Variants in EPC1 observed in about 807,000 individuals in gnomAD.
EPC1 encodes enhancer of polycomb homolog 1.
EPC1 carries 12 observed loss-of-function variants against 98.4 expected under a neutral mutation model. The observed-to-expected ratio is 0.12, with a 90% CI of 0.08 to 0.20. EPC1 has a LOEUF of 0.20. EPC1 is among the 10% of genes least tolerant of loss of function. The probability of loss-of-function intolerance (pLI) is 1.00; values close to 1 mark genes in which losing one functional copy is unlikely to be tolerated. For missense variants in EPC1, 729 were observed against 990.5 expected (o/e 0.74, Z 3.54); for synonymous variants, 357 against 363.9 (o/e 0.98, Z 0.21).
intron 2 of EPC1, among the ~76,000 whole-genome samples, chr10:32,305,571 A>G (rs1191302827): frequency 6.6e-6 from 1 of 152,050 alleles, no homozygotes; most frequent in Non-Finnish European, 1.5e-5. Context: ...GAAACAAAAA[A>G]TGTAGAATAA....
intron 1 of EPC1, among the ~76,000 whole-genome samples, chr10:32,354,042 A>C (rs1839200498): frequency 6.6e-6 from 1 of 152,216 alleles, no homozygotes; most frequent in Non-Finnish European, 1.5e-5. Context: ...CAATATCTGA[A>C]GTACTGATTT....
At chr10:32,300,343 C>T (rs1180058680) in intron 2 of EPC1, among the ~76,000 whole-genome samples, 22 of 151,648 alleles carry the variant, frequency 1.5e-4, no homozygotes, top group East Asian at 9.7e-4. Flanking sequence ...GTGCTGCACC[C>T]ATTAACTCGT....
At chr10:32,348,259 C>G (rs2133075331), upstream of EPC1, among the ~76,000 whole-genome samples, 1 of 151,664 alleles carries the variant, frequency 6.6e-6, no homozygotes, top group East Asian at 1.9e-4. Context: ...ATCCTGAGAT[C>G]TCTTCGTTGT....
At chr10:32,301,973 A>C (rs1478516043) in intron 2 of EPC1, among the ~76,000 whole-genome samples, 1 of 152,194 alleles carries the variant, frequency 6.6e-6, no homozygotes, top group Non-Finnish European at 1.5e-5. Flanking sequence ...GACATTAAGA[A>C]ATGGTAGAAA....
At chr10:32,284,618 C>T (rs1428996343) in intron 10 of EPC1, 80 bp downstream of exon 10, 1 of 1,178,714 alleles carries the variant, frequency 8.5e-7, no homozygotes, top group Non-Finnish European at 1.2e-6. Flanking sequence ...ATAAATGTAA[C>T]AGACCACATA....
intron 1 of EPC1, among the ~76,000 whole-genome samples, chr10:32,363,979 AGTATCGT>A (rs1411901568): frequency 7.8e-6 from 1 of 127,752 alleles, no homozygotes; most frequent in African/African-American, 2.8e-5. Flanking sequence ...ATTTTATAAT[AGTATCGT>A]GTCCATCATG....
chr10:32,322,734 A>C (rs1243559663), intron 1 of EPC1, among the ~76,000 whole-genome samples: 1 of 152,210 alleles, frequency 6.6e-6, no homozygotes, highest in African/African-American at 2.4e-5. Flanking sequence ...GAGAAATGAT[A>C]GTTCTCATCA....
intron 13 of EPC1, among the ~76,000 whole-genome samples, chr10:32,270,668 T>A (rs1835794903): frequency 6.6e-6 from 1 of 151,600 alleles, no homozygotes; most frequent in African/African-American, 2.4e-5. Context: ...CTGCTAAAAA[T>A]GCAAAAATTA....
intron 9 of EPC1, chr10:32,285,757 T>G (rs1392709694): frequency 6.6e-6 from 1 of 152,320 alleles, no homozygotes; most frequent in Admixed American, 6.5e-5. Context: ...GGATTACAGG[T>G]GTGAGCCACC....
Position 32,303,002 on chromosome 10 carries a change from G to A in EPC1, c.313+2770C>T, listed in dbSNP as rs185306997. On this transcript the variant is annotated intron_variant, in intron 2 of 13. Coordinates refer to ENST00000319778, the MANE Select transcript of EPC1 (RefSeq NM_001272004.3). Reference sequence around the variant, plus strand: ...TACACTCATGAATATATACCCCAGAGGAAGAAAAACTCATGTTCTGGCTGG... The same window carrying A: ...TACACTCATGAATATATACCCCAGAAGAAGAAAAACTCATGTTCTGGCTGG... Among the ~76,000 whole-genome samples, 227 of 152,152 alleles carry A rather than the reference G, an allele frequency of 1.5e-3. 1 individual carries two copies. Among genetic ancestry groups the A allele is most frequent in the African/African-American group, 5.3e-3 (219 of 41,524 alleles).
chr10:32,322,745 A>C (rs575743832), intron 1 of EPC1, among the ~76,000 whole-genome samples: 2 of 152,308 alleles, frequency 1.3e-5, no homozygotes, highest in African/African-American at 4.8e-5. Flanking sequence ...GTTCTCATCA[A>C]TATGTGGGAG....
intron 1 of EPC1, among the ~76,000 whole-genome samples, chr10:32,344,838 G>C (rs904768417): frequency 6.6e-6 from 1 of 152,004 alleles, no homozygotes; most frequent in Non-Finnish European, 1.5e-5. Flanking sequence ...AAAATTACCC[G>C]TAAAATTTAA....
At chr10:32,284,665 T>C (rs779109877) in intron 10 of EPC1, 33 bp downstream of exon 10, 8 of 1,530,188 alleles carry the variant, frequency 5.2e-6, no homozygotes, top group Non-Finnish European at 6.3e-6. Flanking sequence ...CTGACATTTC[T>C]ATAGAAACGT....
chr10:32,349,008 C>T (rs551299020), upstream of EPC1, among the ~76,000 whole-genome samples: 5 of 152,324 alleles, frequency 3.3e-5, no homozygotes, highest in South Asian at 2.1e-4. Context: ...ACGGTAGCGA[C>T]GTATCCACAA....
chr10:32,293,313 TGAG>T (rs1334955992), intron 3 of EPC1, 119 bp from the exon 4 acceptor site: 4 of 845,714 alleles, frequency 4.7e-6, no homozygotes, highest in South Asian at 1.9e-5. Flanking sequence ...ATGGGAAACT[TGAG>T]GAGTACATTA....
Position 32,268,291 on chromosome 10 carries a change from T to C in EPC1, c.*772A>G, listed in dbSNP as rs1835677795. On this transcript the variant is annotated 3_prime_UTR_variant, in exon 14 of 14. Coordinates refer to ENST00000319778, the MANE Select transcript of EPC1 (RefSeq NM_001272004.3). ...AGCAACATAATATTAGTGCTTTAAGTACCAGAAACCACCCACAGCTTTGTG... is the reference window on the plus strand; with the variant it reads ...AGCAACATAATATTAGTGCTTTAAGCACCAGAAACCACCCACAGCTTTGTG... 6.6e-6 allele frequency: 1 copy of C among 152,140 alleles called. No individual in the cohort carries two copies. Among genetic ancestry groups the C allele is most frequent in the African/African-American group, 2.4e-5 (1 of 41,424 alleles). 9.4% of individuals were successfully genotyped at this position (152,140 alleles called of 1,614,324 possible).
intron 13 of EPC1, among the ~76,000 whole-genome samples, chr10:32,270,126 G>C (rs1835767508): frequency 6.6e-6 from 1 of 152,080 alleles, no homozygotes; most frequent in African/African-American, 2.4e-5. Flanking sequence ...TCTCCTCTTT[G>C]CCCGAAGACT....
chr10:32,378,612 A>AG, exon 1 of EPC1: 1 of 666,918 alleles, frequency 1.5e-6, no homozygotes, highest in African/African-American at 1.9e-5. Context: ...ACATCTTTAA[A>AG]ATGTTTGGTA....
rs143813008 is a variant in EPC1, at chr10:32,293,054, A to G, written c.600T>C (p.Asp200=). ...LIPSVKQEKR[D]GSSTNDPYVA... is the part of the protein sequence containing the mutation. Reference sequence around the variant, plus strand: ...CATAAGGATCATTTGTGCTGGAACCATCTCGCTTCTCTTGTTTTACTGATG... The same window carrying G: ...CATAAGGATCATTTGTGCTGGAACCGTCTCGCTTCTCTTGTTTTACTGATG... Residue 200 remains aspartate, a synonymous_variant, in exon 4 of 14, where the codon GAT becomes GAC. Transcript: ENST00000319778. The G allele has an allele frequency of 5.0e-6, 8 of 1,613,438 alleles. No individual in the cohort carries two copies. The African/African-American group carries it at 8.0e-5, about 16-fold the overall frequency.
Sources: allele counts gnomAD v4.1 joint callset (sites outside exome capture counted in the v4.1 genomes callset), GRCh38; gene constraint gnomAD v4.1.1; transcripts MANE v1.5; gene names NCBI Gene and HGNC (gene_info 2026-07-23, HGNC 2026-07-21).